TRRAP: variants seen among roughly 807,000 people sequenced by gnomAD.
TRRAP encodes the protein transformation/transcription domain associated protein.
TRRAP carries 41 observed loss-of-function variants against 438.8 expected under a neutral mutation model. The observed-to-expected ratio is 0.09, with a 90% CI of 0.07 to 0.12. TRRAP has a LOEUF of 0.12. Among genes scored for constraint, TRRAP ranks in the 10% least tolerant of loss-of-function variants. The pLI is 1.00. For synonymous variants in TRRAP, 1,994 were observed against 1,962.9 expected (o/e 1.02, Z -0.42); for missense variants, 3,122 against 5,055.1 (o/e 0.62, Z 11.60).
intron 21 of TRRAP, 100 bp downstream of exon 21, chr7:98,922,053 T>G: frequency 1.3e-6 from 2 of 1,485,736 alleles, no homozygotes; most frequent in Non-Finnish European, 1.8e-6. Flanking sequence ...AGGCAATCTC[T>G]GAGTAGAACC....
intron 46 of TRRAP, 135 bp from the exon 47 acceptor site, chr7:98,962,167 A>C: frequency 7.4e-7 from 1 of 1,353,878 alleles, no homozygotes; most frequent in Admixed American, 1.9e-5. Flanking sequence ...GGTGAGGCCC[A>C]CACTGTCCTG....
rs377678855 is a variant in TRRAP at position 98,891,837 on chromosome 7, C to T, written c.262-587C>T. On this transcript the variant is annotated intron_variant, in intron 4 of 72. Coordinates refer to ENST00000456197, the MANE Select transcript of TRRAP (RefSeq NM_001375524.1). The stretch of plus-strand genomic sequence containing the variant: ...ACAGGCGTGAGCCACCGCGCCCGGC[C>T]CAGCATGTAGCTCTTAAAAATAACT... 2.8e-4 allele frequency among the ~76,000 whole-genome samples: 43 copies of T among 152,178 alleles called. 1 individual carries two copies. The South Asian group carries it at 8.9e-3, about 32-fold the overall frequency.
chr7:98,886,142 C>T (rs533557302), intron 3 of TRRAP, among the ~76,000 whole-genome samples: 17 of 152,234 alleles, frequency 1.1e-4, no homozygotes, highest in Non-Finnish European at 1.5e-4. Context: ...AAAATCTAGC[C>T]GAGCATGGTG....
intron 66 of TRRAP, 111 bp downstream of exon 66, chr7:98,993,848 T>C: frequency 8.9e-7 from 1 of 1,119,900 alleles, no homozygotes; most frequent in Non-Finnish European, 1.3e-6. Context: ...CTTTTATATA[T>C]TTGTTGTTGA....
intron 64 of TRRAP, among the ~76,000 whole-genome samples, chr7:98,991,513 C>A (rs554643858): frequency 1.7e-4 from 26 of 152,324 alleles, no homozygotes; most frequent in African/African-American, 6.3e-4. Context: ...CTCATCACTT[C>A]TGGAGCATCT....
chr7:98,928,032 A>T (rs964278152), intron 23 of TRRAP, among the ~76,000 whole-genome samples: 1 of 152,146 alleles, frequency 6.6e-6, no homozygotes, highest in African/African-American at 2.4e-5. Context: ...TGAGGTCGGG[A>T]GTTCGAAACC....
At chr7:98,957,417 A>C (rs1791668932) in intron 43 of TRRAP, among the ~76,000 whole-genome samples, 1 of 152,202 alleles carries the variant, frequency 6.6e-6, no homozygotes, top group South Asian at 2.1e-4. Flanking sequence ...TTTTTGTAGA[A>C]ATCTCTTGTG....
intron 30 of TRRAP, among the ~76,000 whole-genome samples, chr7:98,938,113 C>T (rs1469308751): frequency 1.3e-5 from 2 of 152,060 alleles, no homozygotes; most frequent in African/African-American, 4.8e-5. Context: ...AGACAGAGGT[C>T]GCAGTGAGCC....
rs1554407013 is a variant in TRRAP, at chr7:98,903,376, C to T, written c.898-3C>T. 3 of 1,614,026 alleles carry T rather than the reference C, an allele frequency of 1.9e-6. No homozygotes were observed. The highest frequency in any genetic ancestry group is 1.7e-5 in the Admixed American group (1 of 60,004). Reference sequence around the variant, plus strand: ...ACTGTGTCATCTCACTCTGTTCTTACAGGAGTTGGTGACTAAGTATTCTCA... The same window carrying T: ...ACTGTGTCATCTCACTCTGTTCTTATAGGAGTTGGTGACTAAGTATTCTCA... On this transcript the variant is annotated splice_polypyrimidine_tract_variant and splice_region_variant and intron_variant, in intron 11 of 72. Coordinates refer to ENST00000456197, the MANE Select transcript of TRRAP (RefSeq NM_001375524.1).
chr7:99,006,971 CCTCCAGCTGA>C (rs1794194073), intron 69 of TRRAP, among the ~76,000 whole-genome samples: 1 of 152,228 alleles, frequency 6.6e-6, no homozygotes, highest in African/African-American at 2.4e-5. Context: ...GCTCCTGCCG[CCTCCAGCTGA>C]CTCAGACCAC....
chr7:98,932,298 A>G (rs2116519835), intron 26 of TRRAP, among the ~76,000 whole-genome samples: 1 of 152,104 alleles, frequency 6.6e-6, no homozygotes, highest in East Asian at 1.9e-4. Flanking sequence ...TATTTTTAGT[A>G]GAGATGGGGT....
chr7:98,963,784 A>T (rs1396952001), intron 47 of TRRAP, among the ~76,000 whole-genome samples: 1 of 152,196 alleles, frequency 6.6e-6, no homozygotes, highest in Non-Finnish European at 1.5e-5. Context: ...TACAGATTTA[A>T]AATTTAACGA....
rs1584384917 is a variant in TRRAP, at chr7:98,977,425, C to T, written c.8385+349C>T. ...CCGCCCACCTCGGCCTCCCAAAGTG[C>T]TAGGATTACAGGTATGAGCCACTGC... On this transcript the variant is annotated intron_variant, in intron 56 of 72. Coordinates refer to ENST00000456197, the MANE Select transcript of TRRAP (RefSeq NM_001375524.1). 2.0e-5 allele frequency among the ~76,000 whole-genome samples: 3 copies of T among 152,196 alleles called. No homozygotes were observed. The East Asian group carries it at 5.8e-4, about 29-fold the overall frequency.
chr7:98,930,158 A>C lies in TRRAP; in HGVS notation c.3345A>C (p.Leu1115=), dbSNP rs200367014. 6.2e-7 allele frequency: 1 copy of C among 1,614,198 alleles called. No individual in the cohort carries two copies. The highest frequency in any genetic ancestry group is 8.5e-7 in the Non-Finnish European group (1 of 1,180,038). The part of the protein sequence containing the change: ...KELCKIGEVA[L]AVIFDVASII... ...TTTGCAAAATCGGGGAGGTGGCCCT[A>C]GCTGTGATATTTGATGTTGCAAGTA... The change falls in exon 24 of 73, where the codon CTA becomes CTC. Residue 1115 remains leucine (L), a synonymous_variant. Transcript: ENST00000456197.
In TRRAP at chr7:98,953,373, A is replaced by C; in HGVS notation, c.5670A>C (p.Gly1890=). ...ACVDPACKYS[G]HLLLAHIIAK... is the part of the protein sequence containing the mutation. ...TGGACCCAGCCTGCAAGTACAGCGG[A>C]CACTTGCTCCTGGCGCACATTATCG... Residue 1890 remains glycine, a synonymous_variant, in exon 40 of 73, where the codon GGA becomes GGC. Transcript: ENST00000456197. 1 of 1,613,790 alleles carries C rather than the reference A, an allele frequency of 6.2e-7. No individual in the cohort carries two copies. Among genetic ancestry groups the C allele is most frequent in the South Asian group, 1.1e-5 (1 of 91,082 alleles).
intron 19 of TRRAP, among the ~76,000 whole-genome samples, chr7:98,916,755 C>G (rs1554409599): frequency 1.3e-5 from 2 of 152,162 alleles, no homozygotes; most frequent in Admixed American, 6.5e-5. Flanking sequence ...TCAAGCTGAC[C>G]CTGTGCTGGG....
chr7:98,993,098 C>T (rs1014007837), intron 65 of TRRAP, among the ~76,000 whole-genome samples: 1 of 152,138 alleles, frequency 6.6e-6, no homozygotes, highest in Non-Finnish European at 1.5e-5. Context: ...CTATTAACTG[C>T]TTTTAGATTC....
rs1226506455 is a variant in TRRAP at position 98,970,135 on chromosome 7, G to A, written c.7536G>A (p.Lys2512=). ...AGCTGCTTCTGGCCGTGTGTGAGAA[G>A]AGCACCCCCATTGGCACCAGCTGCC... The part of the protein sequence containing the change: ...CIELLLAVCE[K]STPIGTSCQG... Residue 2512 remains lysine, a synonymous_variant, in exon 52 of 73, where the codon AAG becomes AAA. Transcript: ENST00000456197. The A allele has an allele frequency of 1.9e-6, 3 of 1,613,766 alleles. No homozygotes were observed. The highest frequency in any genetic ancestry group is 1.3e-5 in the African/African-American group (1 of 74,890).
chr7:98,970,610 T>A (rs1179202205), intron 52 of TRRAP, among the ~76,000 whole-genome samples: 1 of 152,118 alleles, frequency 6.6e-6, no homozygotes, highest in Non-Finnish European at 1.5e-5. Flanking sequence ...TTTTTTTTTT[T>A]TAGTTAGAAT....
Sources: allele counts gnomAD v4.1 joint callset (sites outside exome capture counted in the v4.1 genomes callset), GRCh38; gene constraint gnomAD v4.1.1; transcripts MANE v1.5; gene names NCBI Gene and HGNC (gene_info 2026-07-23, HGNC 2026-07-21).